Variants in MAPRE2 observed in about 807,000 individuals in gnomAD.
The protein encoded by MAPRE2 is microtubule associated protein RP/EB family member 2.
Under a neutral mutation model 43.2 loss-of-function variants are expected in MAPRE2, and 13 were observed. The observed-to-expected ratio is 0.30, with a 90% CI of 0.20 to 0.48. MAPRE2 has a LOEUF of 0.48. Ranked by LOEUF, MAPRE2 falls within the 20% of genes least tolerant of loss-of-function variation. The pLI, the probability that MAPRE2 is intolerant of heterozygous loss-of-function variation, is 0.99. For missense variants in MAPRE2, 161 were observed against 400.2 expected, an observed-to-expected ratio of 0.40 and a Z score of 5.10; for synonymous variants, 135 against 148.8, an observed-to-expected ratio of 0.91 and a Z score of 0.68.
At chr18:35,108,115 C>T (rs192930916) in intron 4 of MAPRE2, among the ~76,000 whole-genome samples, 62 of 152,146 alleles carry the variant, frequency 4.1e-4, no homozygotes, top group African/African-American at 1.3e-3. Context: ...TCTAAGTTCC[C>T]TCCCCTCACC....
Position 35,140,299 on chromosome 18 carries a change from G to T in MAPRE2, c.914G>T (p.Gly305Val). Residue 305 changes from glycine (G) to valine (V), a missense_variant, in exon 7 of 7, where the codon GGC becomes GTC. Coordinates refer to ENST00000300249, the MANE Select transcript of MAPRE2 (RefSeq NM_014268.4). ...DILYASEEHEGHTEEPEAEEQ... is the reference protein window; with the variant it reads ...DILYASEEHEVHTEEPEAEEQ... ...AAACTTCTCCCCTGCCCACAGGAGG[G>T]CCACACAGAAGAGCCGGAAGCAGAG... The T allele has an allele frequency of 6.2e-7, 1 of 1,613,552 alleles. No homozygotes were observed. The highest frequency in any genetic ancestry group is 8.5e-7 in the Non-Finnish European group (1 of 1,179,810).
upstream of MAPRE2, chr18:35,041,352 G>A (rs1225840017): frequency 1.4e-6 from 2 of 1,442,148 alleles, no homozygotes; most frequent in East Asian, 2.5e-5. Flanking sequence ...TGCTGCCGGC[G>A]CTCTGACGTC....
At chr18:34,984,800 A>AT (rs1278696524) in intron 1 of MAPRE2, among the ~76,000 whole-genome samples, 4 of 38,792 alleles carry the variant, frequency 1.0e-4, no homozygotes, top group Non-Finnish European at 2.6e-4. Context: ...TATATATTAT[A>AT]TAATTATATA....
At chr18:34,983,943 C>A (rs1489522715) in intron 1 of MAPRE2, among the ~76,000 whole-genome samples, 2 of 152,168 alleles carry the variant, frequency 1.3e-5, no homozygotes, top group Non-Finnish European at 2.9e-5. Flanking sequence ...AAATAGCACT[C>A]CTTTTCTAAA....
At chr18:35,041,264 G>A (rs1905338443), upstream of MAPRE2, 1 of 1,309,844 alleles carries the variant, frequency 7.6e-7, no homozygotes, top group Non-Finnish European at 9.9e-7. Context: ...TGGTCACGCC[G>A]CGACCCTGTG....
intron 4 of MAPRE2, among the ~76,000 whole-genome samples, chr18:35,114,874 C>G (rs1160488144): frequency 1.3e-5 from 2 of 152,146 alleles, no homozygotes; most frequent in Non-Finnish European, 2.9e-5. Context: ...CTTTTCTCTC[C>G]ATAGGAATAA....
chr18:35,062,067 G>T (rs575850330), intron 1 of MAPRE2, among the ~76,000 whole-genome samples: 4 of 152,310 alleles, frequency 2.6e-5, no homozygotes, highest in Non-Finnish European at 5.9e-5. Context: ...GGCTGTGGGA[G>T]ATTTAACATC....
chr18:35,053,842 C>G (rs1175816657), intron 1 of MAPRE2, among the ~76,000 whole-genome samples: 1 of 152,096 alleles, frequency 6.6e-6, no homozygotes, highest in African/African-American at 2.4e-5. Context: ...GGTTACTGGG[C>G]TTAATACCTG....
intron 2 of MAPRE2, among the ~76,000 whole-genome samples, chr18:35,092,305 G>T (rs888712916): frequency 6.6e-6 from 1 of 152,202 alleles, no homozygotes; most frequent in African/African-American, 2.4e-5. Flanking sequence ...GCACACAGAA[G>T]TAAATCCACA....
intron 2 of MAPRE2, among the ~76,000 whole-genome samples, chr18:35,033,516 A>T (rs1415922981): frequency 6.6e-6 from 1 of 151,714 alleles, no homozygotes; most frequent in Non-Finnish European, 1.5e-5. Context: ...GGCCAGGGCA[A>T]TTAGGCAGGA....
intron 2 of MAPRE2, among the ~76,000 whole-genome samples, chr18:35,096,738 TTAA>T (rs1391842585): frequency 6.6e-6 from 1 of 151,694 alleles, no homozygotes; most frequent in Non-Finnish European, 1.5e-5. Context: ...TACTTAATAA[TTAA>T]TAAGTATAAG....
intron 6 of MAPRE2, among the ~76,000 whole-genome samples, chr18:35,139,204 A>C (rs1910517875): frequency 1.3e-5 from 2 of 152,206 alleles, no homozygotes; most frequent in Non-Finnish European, 1.5e-5. Flanking sequence ...GGGGCCCGAC[A>C]GACAGGGAAG....
intron 4 of MAPRE2, among the ~76,000 whole-genome samples, chr18:35,104,992 G>A (rs977656894): frequency 3.9e-5 from 6 of 151,956 alleles, no homozygotes; most frequent in East Asian, 1.9e-4. Context: ...TTTCTTCCAC[G>A]ATCATAACCT....
At chr18:35,061,118 C>T (rs767543667) in intron 1 of MAPRE2, among the ~76,000 whole-genome samples, 1 of 152,038 alleles carries the variant, frequency 6.6e-6, no homozygotes, top group African/African-American at 2.4e-5. Context: ...CTAAATGGAA[C>T]TTTGTATGCA....
At chr18:35,029,980 C>T (rs1033095506) in intron 2 of MAPRE2, among the ~76,000 whole-genome samples, 2 of 152,200 alleles carry the variant, frequency 1.3e-5, no homozygotes, top group African/African-American at 4.8e-5. Flanking sequence ...TTTCCTTTCC[C>T]TCCAGAAGGT....
intron 1 of MAPRE2, among the ~76,000 whole-genome samples, chr18:34,978,761 T>C (rs972006466): frequency 1.3e-5 from 2 of 152,152 alleles, no homozygotes; most frequent in Non-Finnish European, 2.9e-5. Flanking sequence ...GATTGGTAGA[T>C]AAGCTTAACT....
At chr18:35,025,930 A>G (rs1482624337) in intron 2 of MAPRE2, among the ~76,000 whole-genome samples, 1 of 152,202 alleles carries the variant, frequency 6.6e-6, no homozygotes, top group Non-Finnish European at 1.5e-5. Flanking sequence ...TACTCTTTCT[A>G]TACACGGTGG....
chr18:35,122,091 A>G (rs1909703355), intron 4 of MAPRE2, among the ~76,000 whole-genome samples: 1 of 152,226 alleles, frequency 6.6e-6, no homozygotes, highest in African/African-American at 2.4e-5. Context: ...GTTATGCTGT[A>G]TGTTAGGATA....
chr18:35,071,290 A>G (rs1282173335), intron 2 of MAPRE2, among the ~76,000 whole-genome samples: 1 of 134,660 alleles, frequency 7.4e-6, no homozygotes, highest in Non-Finnish European at 1.5e-5. Context: ...CCAAAATGGG[A>G]GGATCGCTTG....
Sources: allele counts gnomAD v4.1 joint callset (sites outside exome capture counted in the v4.1 genomes callset), GRCh38; gene constraint gnomAD v4.1.1; transcripts MANE v1.5; gene names NCBI Gene and HGNC (gene_info 2026-07-23, HGNC 2026-07-21).